The following STAG1 variants were observed in gnomAD, a reference collection of about 807,000 sequenced individuals.
STAG1 encodes the protein STAG1 cohesin complex component, also known as cohesin subunit SA-1.
A neutral mutation model predicts 170.9 loss-of-function variants in STAG1; 26 were observed. The ratio of observed to expected loss-of-function variants is 0.15; its 90% confidence interval spans 0.11 to 0.21. STAG1 has a LOEUF of 0.21. STAG1 is among the 10% of genes least tolerant of loss of function. The pLI is 1.00. For missense variants in STAG1, 964 were observed against 1,509.5 expected, an observed-to-expected ratio of 0.64 and a Z score of 5.99; for synonymous variants, 514 against 497.7, an observed-to-expected ratio of 1.03 and a Z score of -0.44.
intron 23 of STAG1, among the ~76,000 whole-genome samples, chr3:136,373,296 C>T (rs1384529218): frequency 1.3e-5 from 2 of 152,070 alleles, no homozygotes; most frequent in Admixed American, 6.6e-5. Flanking sequence ...TTTCAAAAAA[C>T]CAGCTCCTGG....
At chr3:136,485,350 G>C (rs771751094) in intron 9 of STAG1, among the ~76,000 whole-genome samples, 2 of 151,956 alleles carry the variant, frequency 1.3e-5, no homozygotes, top group African/African-American at 4.8e-5. Context: ...CCAGCTACTC[G>C]AGAGGCTGAG....
intron 9 of STAG1, among the ~76,000 whole-genome samples, chr3:136,478,597 C>A (rs2089825165): frequency 6.6e-6 from 1 of 152,070 alleles, no homozygotes; most frequent in African/African-American, 2.4e-5. Flanking sequence ...ATCATTTTAG[C>A]TAAAATTTTA....
chr3:136,631,008 TTAAAA>T, intron 1 of STAG1, 27 bp from the exon 2 acceptor site: 2 of 1,104,658 alleles, frequency 1.8e-6, no homozygotes, highest in Non-Finnish European at 2.6e-6. Context: ...AGAAATTATT[TTAAAA>T]TAAAATGAGG....
At chr3:136,525,925 C>G (rs1934995042) in intron 6 of STAG1, among the ~76,000 whole-genome samples, 2 of 152,134 alleles carry the variant, frequency 1.3e-5, no homozygotes, top group South Asian at 4.1e-4. Context: ...TTTCTTAATC[C>G]TGAGTTCTAG....
intron 9 of STAG1, among the ~76,000 whole-genome samples, chr3:136,498,253 C>CACACACACACACACATAT (rs1933250326): frequency 1.4e-5 from 1 of 70,100 alleles, no homozygotes; most frequent in African/African-American, 9.0e-5. Flanking sequence ...TATACATACA[C>CACACACACACACACATAT]ACACACACAC....
Position 136,658,083 on chromosome 3 carries a change from G to C in STAG1, c.-83-27102C>G, listed in dbSNP as rs577030082. On this transcript the variant is annotated intron_variant, in intron 1 of 33. Coordinates refer to ENST00000383202, the MANE Select transcript of STAG1 (RefSeq NM_005862.3). ...CACACCTGTAATCCCAACACTTCAGGGGGGGCTGAGGTGGGACAATCATTG... is the reference window on the plus strand; with the variant it reads ...CACACCTGTAATCCCAACACTTCAGCGGGGGCTGAGGTGGGACAATCATTG... 1.7e-3 allele frequency among the ~76,000 whole-genome samples: 256 copies of C among 151,960 alleles called. 2 individuals carry two copies. Among genetic ancestry groups the C allele is most frequent in the Middle Eastern group, 3.4e-3 (1 of 294 alleles).
intron 1 of STAG1, among the ~76,000 whole-genome samples, chr3:136,717,586 C>T (rs931159029): frequency 9.2e-5 from 14 of 152,220 alleles, no homozygotes; most frequent in African/African-American, 3.1e-4. Flanking sequence ...ATCACTTGCA[C>T]CCAGGAGGTG....
intron 21 of STAG1, among the ~76,000 whole-genome samples, chr3:136,403,243 A>AG (rs2087385667): frequency 6.7e-6 from 1 of 149,514 alleles, no homozygotes; most frequent in Non-Finnish European, 1.5e-5. Flanking sequence ...AAAAAAAAAA[A>AG]AAAAAAAAAA....
At chr3:136,529,586 C>T (rs1434365186) in intron 6 of STAG1, among the ~76,000 whole-genome samples, 3 of 152,002 alleles carry the variant, frequency 2.0e-5, no homozygotes, top group Non-Finnish European at 4.4e-5. Context: ...ACATTTTTCC[C>T]AAACAAGCAA....
intron 16 of STAG1, among the ~76,000 whole-genome samples, chr3:136,432,854 C>G (rs1253675416): frequency 6.6e-6 from 1 of 152,206 alleles, no homozygotes; most frequent in African/African-American, 2.4e-5. Flanking sequence ...ACTCTGGTAA[C>G]AAACTACAGA....
chr3:136,721,748 C>A (rs1027845917), intron 1 of STAG1, among the ~76,000 whole-genome samples: 1 of 152,068 alleles, frequency 6.6e-6, no homozygotes, highest in Admixed American at 6.6e-5. Context: ...CACGGTGAAA[C>A]CCTGTCTCTA....
At chr3:136,707,081 G>C (rs560705768) in intron 1 of STAG1, among the ~76,000 whole-genome samples, 2 of 152,218 alleles carry the variant, frequency 1.3e-5, no homozygotes, top group East Asian at 3.9e-4. Context: ...AAATATAAAG[G>C]CTAAAATTAT....
chr3:136,669,385 G>A (rs189165553), intron 1 of STAG1, among the ~76,000 whole-genome samples: 1 of 151,760 alleles, frequency 6.6e-6, no homozygotes, highest in Non-Finnish European at 1.5e-5. Context: ...ACGATGTCTT[G>A]CTCTGTCACC....
intron 1 of STAG1, among the ~76,000 whole-genome samples, chr3:136,715,528 G>A (rs1015197079): frequency 6.6e-6 from 1 of 151,946 alleles, no homozygotes; most frequent in East Asian, 2.0e-4. Flanking sequence ...GCTGAGGCAG[G>A]AGAATTTCTT....
chr3:136,476,901 C>T (rs974302620), intron 10 of STAG1, among the ~76,000 whole-genome samples: 2 of 151,902 alleles, frequency 1.3e-5, no homozygotes, highest in African/African-American at 4.8e-5. Context: ...CTATTCAAGT[C>T]TGATAAAGCA....
At chr3:136,639,696 T>C (rs1940718653) in intron 1 of STAG1, among the ~76,000 whole-genome samples, 1 of 152,146 alleles carries the variant, frequency 6.6e-6, no homozygotes, top group Admixed American at 6.6e-5. Flanking sequence ...AATAAGTAAG[T>C]TTGTATAGCC....
At chr3:136,492,128 C>A (rs2090136055) in intron 9 of STAG1, among the ~76,000 whole-genome samples, 1 of 152,136 alleles carries the variant, frequency 6.6e-6, no homozygotes, top group South Asian at 2.1e-4. Context: ...AGTAATATCT[C>A]CTATTAATCA....
intron 1 of STAG1, among the ~76,000 whole-genome samples, chr3:136,732,329 G>A (rs1279306653): frequency 6.8e-6 from 1 of 146,998 alleles, no homozygotes; most frequent in Admixed American, 6.8e-5. Context: ...ATCTTATTTT[G>A]TCTAGAGGTA....
chr3:136,444,416 A>T (rs775366594), intron 14 of STAG1, among the ~76,000 whole-genome samples: 2 of 152,180 alleles, frequency 1.3e-5, no homozygotes, highest in Non-Finnish European at 2.9e-5. Context: ...GAAGGCAAGT[A>T]CAGAAGGTGT....
Sources: gnomAD v4.1 joint callset for allele counts (sites outside exome capture counted in the v4.1 genomes callset) on GRCh38, gnomAD v4.1.1 for gene constraint, MANE v1.5 for transcripts, NCBI Gene and HGNC (gene_info 2026-07-23, HGNC 2026-07-21) for gene names.